BTAF1: variants seen among roughly 807,000 people sequenced by gnomAD.
BTAF1 encodes TATA-binding protein-associated factor 172.
BTAF1 carries 38 observed loss-of-function variants against 227.1 expected under a neutral mutation model. The ratio of observed to expected loss-of-function variants is 0.17; its 90% CI spans 0.13 to 0.22. The LOEUF is 0.22. BTAF1 is among the 10% of genes least tolerant of loss of function. The pLI, the probability that BTAF1 is intolerant of heterozygous loss-of-function variation, is 1.00. For missense variants in BTAF1, 1,598 were observed against 2,204.0 expected (o/e 0.73, Z 5.51); for synonymous variants, 742 against 751.9 (o/e 0.99, Z 0.21).
chr10:91,977,824 G>A (rs1179746305), intron 14 of BTAF1, among the ~76,000 whole-genome samples: 1 of 152,078 alleles, frequency 6.6e-6, no homozygotes, highest in Non-Finnish European at 1.5e-5. Flanking sequence ...ATACGATGTG[G>A]GCCATCTTTT....
At chr10:91,925,823 T>G (rs1308433916) in intron 1 of BTAF1, among the ~76,000 whole-genome samples, 1 of 152,206 alleles carries the variant, frequency 6.6e-6, no homozygotes, top group East Asian at 1.9e-4. Context: ...ACTAATCTCT[T>G]TACGGAATTT....
intron 14 of BTAF1, among the ~76,000 whole-genome samples, chr10:91,973,680 G>A (rs61876474): frequency 1.3e-5 from 2 of 151,684 alleles, no homozygotes; most frequent in South Asian, 2.1e-4. Context: ...CGAGGCGGGC[G>A]GATCACGAGG....
chr10:91,993,008 C>A (rs1386369598), intron 21 of BTAF1, among the ~76,000 whole-genome samples: 1 of 152,188 alleles, frequency 6.6e-6, no homozygotes, highest in African/African-American at 2.4e-5. Context: ...TACTAAAAGA[C>A]ATGTTTCTGT....
rs748218056 is a variant in BTAF1 at position 92,011,349 on chromosome 10, G to A, written c.4245G>A (p.Lys1415=). 1.3e-6 allele frequency: 2 copies of A among 1,497,866 alleles called. No individual in the cohort carries two copies. The highest frequency in any genetic ancestry group is 5.1e-5 in the Admixed American group (2 of 38,918). 92.8% of individuals were successfully genotyped at this position (1,497,866 alleles called of 1,614,324 possible). A position where few individuals can be genotyped will look rare whatever the true frequency, so the allele number is the denominator to read the frequency against. Residue 1415 remains lysine (K), a synonymous_variant, in exon 30 of 38, where the codon AAG becomes AAA. Coordinates refer to ENST00000265990, the MANE Select transcript of BTAF1 (RefSeq NM_003972.3). ...EGHVIKNGKT[K]LSKAVKQLTA... is the part of the protein sequence containing the mutation. ...ATGTCATCAAAAATGGAAAAACAAAGTTGTCAAAAGCAGTAAAACAACTGA... is the reference window on the plus strand; with the variant it reads ...ATGTCATCAAAAATGGAAAAACAAAATTGTCAAAAGCAGTAAAACAACTGA...
rs775938003 is a variant in BTAF1 at position 92,027,206 on chromosome 10, A to G, written c.5312A>G (p.Lys1771Arg). 1.2e-6 allele frequency: 2 copies of G among 1,614,062 alleles called. No homozygotes were observed. The highest frequency in any genetic ancestry group is 1.7e-6 in the Non-Finnish European group (2 of 1,179,958). The change falls in exon 37 of 38, where the codon AAG (lysine) becomes AGG (arginine). Residue 1771 changes from lysine (K) to arginine (R), a missense_variant. Lys to Arg is a conservative substitution (Grantham distance 26). Around this residue, in one of 10 missense-constraint regions of BTAF1, gnomAD observed 79 missense variants for 97.9 expected, o/e 0.81. Coordinates refer to ENST00000265990, the MANE Select transcript of BTAF1 (RefSeq NM_003972.3). ...EEKIMGLQKF[K>R]MNIANTVISQ... ...AAAATAATGGGGTTGCAGAAATTCA[A>G]GATGAACATAGCGAATACTGTTATT... is the stretch of plus-strand genomic sequence containing the variant.
chr10:91,980,955 C>T (rs913620622), intron 15 of BTAF1, among the ~76,000 whole-genome samples: 3 of 152,026 alleles, frequency 2.0e-5, no homozygotes, highest in Non-Finnish European at 2.9e-5. Context: ...TTTTTCCCTA[C>T]TTAGAGTGAT....
At chr10:91,939,004 T>G (rs1211137191) in intron 2 of BTAF1, among the ~76,000 whole-genome samples, 1 of 150,690 alleles carries the variant, frequency 6.6e-6, no homozygotes, top group Non-Finnish European at 1.5e-5. Flanking sequence ...GGGGGGATTT[T>G]GATAGGAATT....
intron 14 of BTAF1, among the ~76,000 whole-genome samples, chr10:91,975,835 A>G (rs1847641880): frequency 6.6e-6 from 1 of 152,204 alleles, no homozygotes. Context: ...CCAGTTAGGG[A>G]TCTATGGCTG....
intron 5 of BTAF1, among the ~76,000 whole-genome samples, chr10:91,952,756 A>G (rs1273732001): frequency 6.6e-6 from 1 of 152,226 alleles, no homozygotes; most frequent in African/African-American, 2.4e-5. Context: ...TGAAGAGGCC[A>G]GAATACAGCA....
intron 20 of BTAF1, among the ~76,000 whole-genome samples, chr10:91,991,829 A>ATATATATATG (rs1564700757): frequency 3.4e-5 from 5 of 146,774 alleles, no homozygotes; most frequent in African/African-American, 1.0e-4. Context: ...ATATATATAT[A>ATATATATATG]TATACACACA....
intron 4 of BTAF1, among the ~76,000 whole-genome samples, chr10:91,948,650 G>A (rs1462729382): frequency 6.6e-6 from 1 of 150,542 alleles, no homozygotes; most frequent in Non-Finnish European, 1.5e-5. Context: ...CCAAAGTGCT[G>A]GGATTACAGG....
chr10:92,024,967 G>A lies in BTAF1; in HGVS notation c.5075G>A (p.Arg1692Gln), dbSNP rs139357019. The part of the protein sequence containing the change: ...PPGQRHSIVS[R>Q]FNNDPSIDVL... ...GGTCAGAGGCATTCCATTGTTTCCC[G>A]GTAAGTGGCTTCTAAGACTCTTATT... The change falls in exon 35 of 38, where the codon CGG (arginine) becomes CAG (glutamine). Residue 1692 changes from arginine (R) to glutamine (Q), a missense_variant and splice_region_variant. Physicochemically the swap from Arg to Gln is conservative, Grantham distance 43. Around this residue, in one of 10 missense-constraint regions of BTAF1, gnomAD observed 205 missense variants for 244.5 expected, o/e 0.84. Coordinates refer to ENST00000265990, the MANE Select transcript of BTAF1 (RefSeq NM_003972.3). 2.6e-3 allele frequency: 4,241 copies of A among 1,612,574 alleles called. 9 individuals carry two copies. Among genetic ancestry groups the A allele is most frequent in the Non-Finnish European group, 3.3e-3 (3,833 of 1,179,022 alleles).
At position 91,992,311 on chromosome 10, in the gene BTAF1, TAAG is replaced by T; in HGVS notation, c.3045+3_3045+5del. 1 of 1,556,406 alleles carries T rather than the reference TAAG, an allele frequency of 6.4e-7. No individual in the cohort carries two copies. Among genetic ancestry groups the T allele is most frequent in the Non-Finnish European group, 8.7e-7 (1 of 1,154,944 alleles). Reference sequence around the variant, plus strand: ...AATATTCTTGTTGAACTTGATGAGGTAAGTAGTTTTTTTTTTTTTTTAATGCTT... The same window carrying T: ...AATATTCTTGTTGAACTTGATGAGGTTAGTTTTTTTTTTTTTTTAATGCTT... On this transcript the variant is annotated splice_donor_5th_base_variant and intron_variant, in intron 21 of 37. Transcript: ENST00000265990.
intron 14 of BTAF1, among the ~76,000 whole-genome samples, chr10:91,970,563 T>C (rs72823198): frequency 2.6e-5 from 4 of 152,290 alleles, no homozygotes; most frequent in Non-Finnish European, 5.9e-5. Flanking sequence ...TTCGCTGTCA[T>C]GAGAACAGCA....
chr10:92,029,797 G>C lies in BTAF1; in HGVS notation c.*864G>C, dbSNP rs76616361. ...AGACTGTTTATTGTAGTAATGCATG[G>C]CTGAAGCATAAAAGGGAGAGAGAAT... On this transcript the variant is annotated 3_prime_UTR_variant, in exon 38 of 38. Coordinates refer to ENST00000265990, the MANE Select transcript of BTAF1 (RefSeq NM_003972.3). 6.6e-6 allele frequency: 1 copy of C among 152,288 alleles called. No homozygotes were observed. The highest frequency in any genetic ancestry group is 2.4e-5 in the African/African-American group (1 of 41,398). 9.4% of individuals were successfully genotyped at this position (152,288 alleles called of 1,614,324 possible).
chr10:91,923,956 C>T lies in BTAF1; in HGVS notation c.-121C>T, dbSNP rs1030989095. Reference sequence around the variant, plus strand: ...GGGCCTGCGCTGGAACGCCCCACGCCGCACCGGCCGCTCCCCTGTGCTCCG... The same window carrying T: ...GGGCCTGCGCTGGAACGCCCCACGCTGCACCGGCCGCTCCCCTGTGCTCCG... On this transcript the variant is annotated 5_prime_UTR_variant, in exon 1 of 38. Coordinates refer to ENST00000265990, the MANE Select transcript of BTAF1 (RefSeq NM_003972.3). The T allele has an allele frequency of 2.3e-6, 3 of 1,295,434 alleles. No homozygotes were observed. Among genetic ancestry groups the T allele is most frequent in the African/African-American group, 3.1e-5 (2 of 64,014 alleles). The allele number at this position is 1,295,434 out of a possible 1,614,324, so 80.2% of individuals were successfully genotyped here.
In BTAF1 at chr10:91,924,022, C is replaced by T. The variant is rs953464816; in HGVS notation, c.-55C>T. On this transcript the variant is annotated 5_prime_UTR_variant, in exon 1 of 38. Coordinates refer to ENST00000265990, the MANE Select transcript of BTAF1 (RefSeq NM_003972.3). ...CCGCTCAGCTCTCTGGAAACTAGCGCCTCAGCTGCGCGGCGCGTAGGTCGC... is the reference window on the plus strand; with the variant it reads ...CCGCTCAGCTCTCTGGAAACTAGCGTCTCAGCTGCGCGGCGCGTAGGTCGC... The T allele has an allele frequency of 3.5e-5, 56 of 1,590,186 alleles. No individual in the cohort carries two copies. Among genetic ancestry groups the T allele is most frequent in the Non-Finnish European group, 3.8e-5 (45 of 1,171,282 alleles).
At chr10:91,990,137 C>T (rs1848640221) in intron 20 of BTAF1, among the ~76,000 whole-genome samples, 1 of 152,052 alleles carries the variant, frequency 6.6e-6, no homozygotes, top group African/African-American at 2.4e-5. Flanking sequence ...TCTTAAAGAC[C>T]AGTGTTTTAT....
At chr10:91,969,001 C>T (rs1017168617) in intron 14 of BTAF1, among the ~76,000 whole-genome samples, 1 of 150,318 alleles carries the variant, frequency 6.7e-6, no homozygotes, top group African/African-American at 2.5e-5. Context: ...GCTGAGACTA[C>T]AAGCACGCAC....
Sources: gnomAD v4.1 joint callset for allele counts (sites outside exome capture counted in the v4.1 genomes callset) on GRCh38, gnomAD v4.1.1 for gene constraint, gnomAD v4.1.1 regional missense constraint, MANE v1.5 for transcripts, NCBI Gene and HGNC (gene_info 2026-07-23, HGNC 2026-07-21) for gene names.